The following ZNF804B variants were observed in gnomAD, a reference collection of about 807,000 sequenced individuals.
ZNF804B encodes the protein zinc finger protein 804B, also known as zinc finger 804B.
ZNF804B carries 80 observed loss-of-function variants against 101.4 expected under a neutral mutation model. The observed-to-expected ratio is 0.79, with a 90% confidence interval of 0.66 to 0.95. The LOEUF (loss-of-function observed/expected upper bound fraction) is 0.95, where lower values mean the gene tolerates loss of function less well. Ranked by LOEUF, ZNF804B falls within the 40% of genes least tolerant of loss-of-function variation. The pLI is 0.00. For missense variants in ZNF804B, 1,673 were observed against 1,561.9 expected (o/e 1.07, Z -1.20); for synonymous variants, 622 against 558.8 (o/e 1.11, Z -1.59).
At chr7:89,264,316 T>C (rs894451741) in intron 2 of ZNF804B, among the ~76,000 whole-genome samples, 5 of 152,352 alleles carry the variant, frequency 3.3e-5, no homozygotes, top group Middle Eastern at 3.4e-3. Flanking sequence ...GTCTTCATTT[T>C]ACAGCCAATC....
At chr7:89,086,601 A>G (rs1454085338) in intron 1 of ZNF804B, among the ~76,000 whole-genome samples, 1 of 151,978 alleles carries the variant, frequency 6.6e-6, no homozygotes, top group Non-Finnish European at 1.5e-5. Context: ...TTAATGTTTA[A>G]TAAATTGGGA....
intron 1 of ZNF804B, among the ~76,000 whole-genome samples, chr7:88,958,604 G>A (rs1793347063): frequency 6.6e-6 from 1 of 151,436 alleles, no homozygotes; most frequent in Admixed American, 6.6e-5. Flanking sequence ...TGGCCACCTT[G>A]TGGCTCACCA....
In ZNF804B at chr7:88,811,054, T is replaced by TA. The variant is rs536084876; in HGVS notation, c.108+50982dup. The stretch of plus-strand genomic sequence containing the variant: ...AAAATTAGAATGCCCATCTCAGAAT[T>TA]AAAAAAAAAAAACATTAAAAAACAG... On this transcript the variant is annotated intron_variant, in intron 1 of 3. Transcript: ENST00000333190. Among the ~76,000 whole-genome samples the TA allele has an allele frequency of 7.6e-3, 1,093 of 143,232 alleles. 11 individuals carry two copies. Among genetic ancestry groups the TA allele is most frequent in the African/African-American group, 0.022 (863 of 39,386 alleles). The allele number at this position is 143,232 out of a possible 152,430, so 94.0% of individuals were successfully genotyped here. A position where few individuals can be genotyped will look rare whatever the true frequency, so the allele number is the denominator to read the frequency against.
intron 1 of ZNF804B, among the ~76,000 whole-genome samples, chr7:88,940,891 T>C (rs1793046014): frequency 6.6e-6 from 1 of 151,032 alleles, no homozygotes; most frequent in South Asian, 2.1e-4. Flanking sequence ...AGAACTGTTA[T>C]CTAAAATAAT....
chr7:88,994,342 G>A (rs1309449291), intron 1 of ZNF804B, among the ~76,000 whole-genome samples: 1 of 151,770 alleles, frequency 6.6e-6, no homozygotes, highest in Non-Finnish European at 1.5e-5. Context: ...AAGCTCTTTT[G>A]TACTCATTAA....
intron 1 of ZNF804B, among the ~76,000 whole-genome samples, chr7:88,949,049 A>T (rs1228206692): frequency 5.3e-5 from 8 of 151,204 alleles, no homozygotes; most frequent in Non-Finnish European, 1.2e-4. Context: ...TTTTTTTTTT[A>T]AATTAACGTC....
At chr7:89,095,499 A>C (rs780417882) in intron 1 of ZNF804B, among the ~76,000 whole-genome samples, 24 of 152,232 alleles carry the variant, frequency 1.6e-4, no homozygotes, top group Non-Finnish European at 3.4e-4. Flanking sequence ...GATAAGATAC[A>C]TCTGAACCTT....
chr7:88,900,050 G>A (rs1792365513), intron 1 of ZNF804B, among the ~76,000 whole-genome samples: 1 of 152,044 alleles, frequency 6.6e-6, no homozygotes, highest in Non-Finnish European at 1.5e-5. Flanking sequence ...ATGTTCTAAG[G>A]CTGTGTTTAA....
intron 1 of ZNF804B, among the ~76,000 whole-genome samples, chr7:88,941,819 A>G (rs1793059238): frequency 1.3e-5 from 2 of 151,970 alleles, no homozygotes; most frequent in African/African-American, 4.8e-5. Context: ...AGAGAGGACC[A>G]AGATCTTTGA....
At chr7:89,053,331 T>C (rs989988748) in intron 1 of ZNF804B, among the ~76,000 whole-genome samples, 2 of 152,132 alleles carry the variant, frequency 1.3e-5, no homozygotes, top group Non-Finnish European at 1.5e-5. Flanking sequence ...GTGGTGTTTC[T>C]TGTCACTCTC....
chr7:88,933,078 A>T (rs539729596), intron 1 of ZNF804B, among the ~76,000 whole-genome samples: 1 of 152,072 alleles, frequency 6.6e-6, no homozygotes, highest in South Asian at 2.1e-4. Context: ...CCAACAGAAT[A>T]TCAAAAATAT....
At chr7:89,097,822 A>T (rs925206272) in intron 1 of ZNF804B, among the ~76,000 whole-genome samples, 4 of 152,164 alleles carry the variant, frequency 2.6e-5, no homozygotes, top group Non-Finnish European at 5.9e-5. Flanking sequence ...TTATTTTATA[A>T]TGAATCTTCT....
intron 1 of ZNF804B, among the ~76,000 whole-genome samples, chr7:88,862,791 A>AT (rs367632755): frequency 0.035 from 5,338 of 150,802 alleles, 111 homozygotes; most frequent in Admixed American, 0.045. Context: ...TTACGCTGTC[A>AT]TTTTTTTTTA....
At chr7:88,845,299 G>GCACACACA (rs369657042) in intron 1 of ZNF804B, among the ~76,000 whole-genome samples, 8,468 of 138,418 alleles carry the variant, frequency 0.061, 276 homozygotes, top group African/African-American at 0.096. Context: ...GCGCACGCGC[G>GCACACACA]CGCACACACA....
At chr7:89,298,104 A>G (rs1214247017) in intron 2 of ZNF804B, among the ~76,000 whole-genome samples, 4 of 135,290 alleles carry the variant, frequency 3.0e-5, no homozygotes, top group African/African-American at 1.1e-4. Flanking sequence ...TAGAGAGTTG[A>G]CAAAGGCCTC....
At chr7:89,269,633 C>G (rs1025017723) in intron 2 of ZNF804B, among the ~76,000 whole-genome samples, 1 of 152,096 alleles carries the variant, frequency 6.6e-6, no homozygotes, top group African/African-American at 2.4e-5. Flanking sequence ...CATGAGGAAT[C>G]GCCACACTGA....
chr7:88,760,216 A>G, intron 1 of ZNF804B, 132 bp downstream of exon 1: 2 of 686,770 alleles, frequency 2.9e-6, no homozygotes, highest in South Asian at 1.8e-5. Flanking sequence ...ATCCATAGGT[A>G]TGGAGATACA....
intron 1 of ZNF804B, among the ~76,000 whole-genome samples, chr7:89,126,131 AT>A (rs35362573): frequency 2.8e-4 from 42 of 150,288 alleles, no homozygotes; most frequent in African/African-American, 8.5e-4. Context: ...ATGTTAATGG[AT>A]TTTTTTTTTA....
chr7:88,915,485 A>T (rs75128882), intron 1 of ZNF804B, among the ~76,000 whole-genome samples: 2,889 of 152,136 alleles, frequency 0.019, 105 homozygotes, highest in African/African-American at 0.065. Context: ...TTAATGATTG[A>T]AATGGCCTTA....
Sources: allele counts gnomAD v4.1 joint callset (sites outside exome capture counted in the v4.1 genomes callset), GRCh38; gene constraint gnomAD v4.1.1; transcripts MANE v1.5; gene names NCBI Gene and HGNC (gene_info 2026-07-23, HGNC 2026-07-21).